SERPINB12: variants seen among roughly 807,000 people sequenced by gnomAD.
SERPINB12 encodes serpin B12.
A neutral mutation model predicts 41.1 loss-of-function variants in SERPINB12; 57 were observed. The ratio of observed to expected loss-of-function variants is 1.39; its 90% CI spans 1.12 to 1.73. The LOEUF (loss-of-function observed/expected upper bound fraction) is 1.73, where lower values mean the gene tolerates loss of function less well. SERPINB12 is among the 40% of genes most tolerant of loss of function. SERPINB12 has a pLI of 0.00. For synonymous variants in SERPINB12, 180 were observed against 181.3 expected (o/e 0.99, Z 0.06); for missense variants, 536 against 501.9 (o/e 1.07, Z -0.65).
intron 3 of SERPINB12, among the ~76,000 whole-genome samples, chr18:63,558,715 G>A (rs1002120424): frequency 1.3e-5 from 2 of 152,152 alleles, no homozygotes; most frequent in Non-Finnish European, 2.9e-5. Context: ...TGATAAAGAA[G>A]CCTAGATCAT....
At chr18:63,520,889 C>T in the SERPINB12 span, among the ~76,000 whole-genome samples, 3 of 152,178 alleles carry the variant, frequency 2.0e-5, no homozygotes, top group Admixed American at 1.3e-4. Flanking sequence ...ATATTTATTT[C>T]GCAGTAGCCT....
rs767559114 is a variant in SERPINB12 at position 63,556,149 on chromosome 18, T to A, written c.-11T>A. 1.9e-6 allele frequency: 3 copies of A among 1,610,870 alleles called. No individual in the cohort carries two copies. The South Asian group carries it at 3.3e-5, about 18-fold the overall frequency. The stretch of plus-strand genomic sequence containing the variant: ...CTTTTTTTTTGGTTTTAGATCGTTA[T>A]AAGTTTTACAATGGACTCTCTTGTT... On this transcript the variant is annotated 5_prime_UTR_variant, in exon 2 of 8. Transcript: ENST00000382768.
chr18:63,530,230 C>T, the SERPINB12 span, among the ~76,000 whole-genome samples: 1 of 152,162 alleles, frequency 6.6e-6, no homozygotes, highest in Non-Finnish European at 1.5e-5. Flanking sequence ...GTATTGCTGG[C>T]ACAAGGATAG....
At chr18:63,534,324 C>T in the SERPINB12 span, among the ~76,000 whole-genome samples, 1 of 152,226 alleles carries the variant, frequency 6.6e-6, no homozygotes, top group South Asian at 2.1e-4. Flanking sequence ...CAAAAAAACA[C>T]CTAACAATTA....
At chr18:63,548,276 TA>T (rs1407051457) in intron 1 of SERPINB12, among the ~76,000 whole-genome samples, 2 of 151,998 alleles carry the variant, frequency 1.3e-5, no homozygotes, top group Non-Finnish European at 2.9e-5. Context: ...AAAATACCTT[TA>T]AAAAATTAAA....
In SERPINB12 at chr18:63,566,500, G is replaced by A. The variant is rs1460737160; in HGVS notation, c.874-107G>A. Reference sequence around the variant, plus strand: ...ATTCTCTAGCTTAGGGAAAGGTCTTGAAGGTTGTCACTGCCCACTGAAAGG... The same window carrying A: ...ATTCTCTAGCTTAGGGAAAGGTCTTAAAGGTTGTCACTGCCCACTGAAAGG... On this transcript the variant is annotated intron_variant, in intron 7 of 7. Transcript: ENST00000382768. 1.1e-5 allele frequency: 10 copies of A among 926,292 alleles called. No individual in the cohort carries two copies. The Admixed American group carries it at 2.3e-4, about 21-fold the overall frequency. 57.4% of individuals were successfully genotyped at this position (926,292 alleles called of 1,614,324 possible).
Position 63,567,884 on chromosome 18 carries a change from C to T in SERPINB12, c.*873C>T, listed in dbSNP as rs1460492923. On this transcript the variant is annotated 3_prime_UTR_variant, in exon 8 of 8. Coordinates refer to ENST00000382768, the MANE Select transcript of SERPINB12 (RefSeq NM_001307928.2). ...TGCTGGCATTGTGGACGGCTGGCCTCCGTATGCCCCTCTCTCTGCCTTCTG... is the reference window on the plus strand; with the variant it reads ...TGCTGGCATTGTGGACGGCTGGCCTTCGTATGCCCCTCTCTCTGCCTTCTG... Among the ~76,000 whole-genome samples, 1 of 152,234 alleles carries T rather than the reference C, an allele frequency of 6.6e-6. No individual in the cohort carries two copies. The highest frequency in any genetic ancestry group is 2.4e-5 in the African/African-American group (1 of 41,464).
At chr18:63,563,869 C>G (rs1910997189) in intron 5 of SERPINB12, 109 bp from the exon 6 acceptor site, 2 of 1,069,920 alleles carry the variant, frequency 1.9e-6, no homozygotes, top group South Asian at 1.7e-5. Context: ...GCACTCCAGC[C>G]TGGGAGACAA....
intron 6 of SERPINB12, 87 bp downstream of exon 6, chr18:63,564,207 A>G: frequency 7.4e-7 from 1 of 1,359,154 alleles, no homozygotes; most frequent in Non-Finnish European, 1.0e-6. Context: ...TCGAAAAGTT[A>G]CAGCTTACAT....
At chr18:63,531,209 G>T in the SERPINB12 span, among the ~76,000 whole-genome samples, 2 of 152,246 alleles carry the variant, frequency 1.3e-5, no homozygotes, top group East Asian at 1.9e-4. Flanking sequence ...GTTCACTTGG[G>T]TCATTTAATT....
In SERPINB12 at chr18:63,566,898, G is replaced by A. The variant is rs777108685; in HGVS notation, c.1165G>A (p.Glu389Lys). The part of the protein sequence containing the change: ...AAAATGAVVS[E>K]RSLRSWVEFN... The stretch of plus-strand genomic sequence containing the variant: ...TGCAGCCACTGGGGCTGTTGTCTCG[G>A]AAAGGTCACTACGATCTTGGGTGGA... The change falls in exon 8 of 8, where the codon GAA (glutamate) becomes AAA (lysine). Residue 389 changes from glutamate to lysine, a missense_variant. Physicochemically the swap from Glu to Lys is moderately conservative, Grantham distance 56. Transcript: ENST00000382768. 1.2e-6 allele frequency: 2 copies of A among 1,614,192 alleles called. No homozygotes were observed. Among genetic ancestry groups the A allele is most frequent in the Admixed American group, 3.3e-5 (2 of 60,026 alleles).
At chr18:63,552,050 G>T (rs2144325157) in intron 1 of SERPINB12, among the ~76,000 whole-genome samples, 1 of 152,296 alleles carries the variant, frequency 6.6e-6, no homozygotes, top group Non-Finnish European at 1.5e-5. Context: ...GGTTTATATA[G>T]TGGGGAAGAA....
At chr18:63,559,042 C>CT (rs1359775476) in intron 3 of SERPINB12, among the ~76,000 whole-genome samples, 3 of 90,218 alleles carry the variant, frequency 3.3e-5, no homozygotes, top group Non-Finnish European at 5.6e-5. Flanking sequence ...TTCTTTCTTT[C>CT]TTTCTTTCTT....
chr18:63,523,957 T>C, the SERPINB12 span, among the ~76,000 whole-genome samples: 274 of 152,288 alleles, frequency 1.8e-3, no homozygotes, highest in Non-Finnish European at 3.1e-3. Context: ...AAATTCTACC[T>C]TGAGAAATAA....
intron 3 of SERPINB12, among the ~76,000 whole-genome samples, chr18:63,559,056 T>TTCTTTCTC (rs1291872713): frequency 1.1e-5 from 1 of 87,092 alleles, no homozygotes; most frequent in African/African-American, 3.1e-5. Flanking sequence ...CTTTCTTTCT[T>TTCTTTCTC]TCTCTCCTTC....
Position 63,567,785 on chromosome 18 carries a change from C to G in SERPINB12, c.*774C>G, listed in dbSNP as rs555431040. On this transcript the variant is annotated 3_prime_UTR_variant, in exon 8 of 8. Transcript: ENST00000382768. ...AACACTTCCCTCTGTCTCTCCTCCC[C>G]CTAGCTCCAAGAATTCCCACCTGTG... Among the ~76,000 whole-genome samples, 54 of 152,342 alleles carry G rather than the reference C, an allele frequency of 3.5e-4. No individual in the cohort carries two copies. Among genetic ancestry groups the G allele is most frequent in the African/African-American group, 1.2e-3 (50 of 41,584 alleles).
At chr18:63,524,450 C>A in the SERPINB12 span, among the ~76,000 whole-genome samples, 1 of 151,618 alleles carries the variant, frequency 6.6e-6, no homozygotes, top group Admixed American at 6.6e-5. Context: ...CCACCATGCC[C>A]GGCTAATTTT....
At chr18:63,519,248 G>A in the SERPINB12 span, among the ~76,000 whole-genome samples, 5 of 152,172 alleles carry the variant, frequency 3.3e-5, no homozygotes, top group Non-Finnish European at 7.3e-5. Context: ...GGTGTGTGGG[G>A]CCGGGAGACA....
the SERPINB12 span, among the ~76,000 whole-genome samples, chr18:63,529,390 T>C: frequency 1.3e-5 from 2 of 152,242 alleles, no homozygotes; most frequent in African/African-American, 4.8e-5. Context: ...CAGCTGTGGT[T>C]TTGGAGAGTC....
Sources: allele counts gnomAD v4.1 joint callset (sites outside exome capture counted in the v4.1 genomes callset), GRCh38; gene constraint gnomAD v4.1.1; transcripts MANE v1.5; gene names NCBI Gene and HGNC (gene_info 2026-07-23, HGNC 2026-07-21).